OPRM1: variants seen among roughly 807,000 people sequenced by gnomAD.
OPRM1 encodes opioid receptor mu 1.
A neutral mutation model predicts 31.8 loss-of-function variants in OPRM1; 27 were observed. That is an observed-to-expected ratio of 0.85 (90% CI 0.63 to 1.17). The LOEUF is 1.17. Ranked by LOEUF, OPRM1 falls within the 50% of genes most tolerant of loss-of-function variation. The pLI, the probability that OPRM1 is intolerant of heterozygous loss-of-function variation, is 0.00. For missense variants in OPRM1, 536 were observed against 511.1 expected, an observed-to-expected ratio of 1.05 and a Z score of -0.47; for synonymous variants, 196 against 189.9, an observed-to-expected ratio of 1.03 and a Z score of -0.26.
upstream of OPRM1, chr6:154,039,224 C>G: frequency 1.3e-6 from 2 of 1,551,722 alleles, no homozygotes; most frequent in Non-Finnish European, 1.7e-6. Context: ...TGCGCAAAAT[C>G]CACCCCTTTT....
upstream of OPRM1, among the ~76,000 whole-genome samples, chr6:154,036,421 C>CA (rs1230009944): frequency 4.0e-5 from 6 of 151,792 alleles, no homozygotes; most frequent in Admixed American, 1.3e-4. Context: ...CAATAGAAAA[C>CA]AAAAAAATCA....
At chr6:154,197,581 T>G (rs1408225289) in intron 3 of OPRM1, among the ~76,000 whole-genome samples, 1 of 152,232 alleles carries the variant, frequency 6.6e-6, no homozygotes, top group Non-Finnish European at 1.5e-5. Flanking sequence ...TGCATGTAAC[T>G]CAAAACTAAA....
intron 3 of OPRM1, chr6:154,093,397 G>C (rs760919305): frequency 1.9e-6 from 3 of 1,614,052 alleles, no homozygotes; most frequent in Non-Finnish European, 2.5e-6. Context: ...TCCTGCCTTC[G>C]TGGAAATACT....
chr6:154,099,348 CGAGAGAGAGAGA>C (rs58655710), intron 3 of OPRM1, among the ~76,000 whole-genome samples: 1 of 125,070 alleles, frequency 8.0e-6, no homozygotes, highest in African/African-American at 3.2e-5. Flanking sequence ...AGGAAGAGAG[CGAGAGAGAGAGA>C]GAGAGAGAAA....
At chr6:154,110,655 G>C (rs1025687826) in intron 3 of OPRM1, among the ~76,000 whole-genome samples, 1 of 152,064 alleles carries the variant, frequency 6.6e-6, no homozygotes, top group Admixed American at 6.5e-5. Flanking sequence ...TTGGGAGACC[G>C]AAGTGGGTGG....
At chr6:154,063,210 A>T (rs1784729576) in intron 1 of OPRM1, among the ~76,000 whole-genome samples, 1 of 152,048 alleles carries the variant, frequency 6.6e-6, no homozygotes, top group African/African-American at 2.4e-5. Context: ...TTTAAAATAG[A>T]TACAATAATA....
rs67552184 is a variant in OPRM1, at chr6:154,100,087, AT to A, written c.1164+8617del. Among the ~76,000 whole-genome samples, 852 of 86,936 alleles carry A rather than the reference AT, an allele frequency of 9.8e-3. 12 individuals carry two copies. The highest frequency in any genetic ancestry group is 0.018 in the Admixed American group (117 of 6,550). 57.0% of individuals were successfully genotyped at this position (86,936 alleles called of 152,430 possible). A position where few individuals can be genotyped will look rare whatever the true frequency, so the allele number is the denominator to read the frequency against. On this transcript the variant is annotated intron_variant, in intron 3 of 3. Transcript: ENST00000330432. ...TATCATGATATATATCATATTATAT[AT>A]TATCATATTATGATATATATATTAT...
At chr6:154,053,478 G>C (rs1333363996) in intron 1 of OPRM1, among the ~76,000 whole-genome samples, 6 of 152,160 alleles carry the variant, frequency 3.9e-5, no homozygotes, top group Non-Finnish European at 7.3e-5. Flanking sequence ...GTTTTCTGCA[G>C]CTCTCAGAAG....
At chr6:154,158,460 T>A (rs867011331) in intron 3 of OPRM1, 1 of 152,336 alleles carries the variant, frequency 6.6e-6, no homozygotes, top group Middle Eastern at 3.4e-3. Flanking sequence ...TTTGCAGGCA[T>A]AAATGGCACA....
intron 3 of OPRM1, chr6:154,200,111 A>C: frequency 7.2e-7 from 1 of 1,382,616 alleles, no homozygotes; most frequent in Admixed American, 2.5e-5. Flanking sequence ...TCTACCTTTT[A>C]TTTTCAATCA....
chr6:154,153,656 G>A (rs1798603712), intron 3 of OPRM1, among the ~76,000 whole-genome samples: 1 of 149,514 alleles, frequency 6.7e-6, no homozygotes, highest in African/African-American at 2.5e-5. Context: ...CTGCACTCCA[G>A]CCTGCGCGAC....
At chr6:154,034,677 A>G (rs570368015), upstream of OPRM1, among the ~76,000 whole-genome samples, 2 of 152,308 alleles carry the variant, frequency 1.3e-5, no homozygotes, top group South Asian at 2.1e-4. Flanking sequence ...TGGATCCTCA[A>G]TAATTTAAAA....
chr6:154,194,786 A>C (rs1382563646), intron 3 of OPRM1, among the ~76,000 whole-genome samples: 1 of 149,598 alleles, frequency 6.7e-6, no homozygotes, highest in African/African-American at 2.5e-5. Flanking sequence ...ATGACAACTC[A>C]TAGAGATCTT....
chr6:154,110,886 CAAA>C (rs374739553), intron 3 of OPRM1, among the ~76,000 whole-genome samples: 1,259 of 63,544 alleles, frequency 0.02, 16 homozygotes, highest in African/African-American at 0.06. Context: ...GACTCCGTCT[CAAA>C]AAAAAAAAAA....
At chr6:154,101,514 A>G (rs1266013252) in intron 3 of OPRM1, among the ~76,000 whole-genome samples, 1 of 152,228 alleles carries the variant, frequency 6.6e-6, no homozygotes, top group Non-Finnish European at 1.5e-5. Flanking sequence ...TCAGAAGTTC[A>G]ATATGACAAA....
chr6:154,212,953 C>A lies in OPRM1; in HGVS notation c.1165-33740C>A, dbSNP rs148122571. 3.9e-5 allele frequency: 32 copies of A among 812,072 alleles called. No individual in the cohort carries two copies. In the African/African-American group the frequency reaches 4.6e-4, roughly 12 times the overall value. 50.3% of individuals were successfully genotyped at this position (812,072 alleles called of 1,614,324 possible). A position where few individuals can be genotyped will look rare whatever the true frequency, so the allele number is the denominator to read the frequency against. On this transcript the variant is annotated intron_variant, in intron 3 of 3. Transcript: ENST00000337049. The stretch of plus-strand genomic sequence containing the variant: ...TATCTCCATCTGGCTATTGCAATTT[C>A]AATCCAATTCAGAAAGTTCATATCT...
rs936211944 is a variant in OPRM1 at position 154,122,552 on chromosome 6, G to C, written c.*3831G>C. Among the ~76,000 whole-genome samples, 1 of 152,158 alleles carries C rather than the reference G, an allele frequency of 6.6e-6. No homozygotes were observed. The highest frequency in any genetic ancestry group is 2.4e-5 in the African/African-American group (1 of 41,444). On this transcript the variant is annotated 3_prime_UTR_variant, in exon 4 of 4. Transcript: ENST00000330432. ...GTCCAACTCTGGGGCATCCATTTAA[G>C]AGCCATTTAATCCATTTAATTACAA...
chr6:154,079,648 G>A (rs558952610), intron 1 of OPRM1, among the ~76,000 whole-genome samples: 1 of 152,276 alleles, frequency 6.6e-6, no homozygotes, highest in South Asian at 2.1e-4. Context: ...AGTATTAAAA[G>A]TTGACAAATA....
chr6:154,246,750 C>A (rs149638978), exon 4 of OPRM1: 490 of 1,613,606 alleles, frequency 3.0e-4, no homozygotes, highest in Middle Eastern at 1.8e-3. Flanking sequence ...TCCGACTCAT[C>A]GTGAGAAAAC....
Sources: allele counts gnomAD v4.1 joint callset (sites outside exome capture counted in the v4.1 genomes callset), GRCh38; gene constraint gnomAD v4.1.1; transcripts MANE v1.5; gene names NCBI Gene and HGNC (gene_info 2026-07-23, HGNC 2026-07-21).